The following SH3KBP1 variants were observed in gnomAD, a reference collection of about 807,000 sequenced individuals.
SH3KBP1 encodes the protein SH3 domain containing kinase binding protein 1.
Under a neutral mutation model 50.1 loss-of-function variants are expected in SH3KBP1, and 8 were observed. That is an observed-to-expected ratio of 0.16 (90% confidence interval 0.09 to 0.29). SH3KBP1 has a LOEUF of 0.29. Among genes scored for constraint, SH3KBP1 ranks in the 10% least tolerant of loss-of-function variants. The pLI is 1.00. For synonymous variants in SH3KBP1, 227 were observed against 218.6 expected, an observed-to-expected ratio of 1.04 and a Z score of -0.34; for missense variants, 377 against 535.2, an observed-to-expected ratio of 0.70 and a Z score of 2.92.
At chrX:19,572,971 G>C (rs756688608) in intron 12 of SH3KBP1, among the ~76,000 whole-genome samples, 25 of 111,758 alleles carry the variant, frequency 2.2e-4, no homozygotes, top group African/African-American at 7.8e-4. Context: ...TTCCTGGGTA[G>C]TCTGATGGGT....
chrX:19,551,412 G>C (rs895334855), intron 13 of SH3KBP1, among the ~76,000 whole-genome samples: 3 of 110,953 alleles, frequency 2.7e-5, no homozygotes, highest in South Asian at 7.8e-4. Context: ...ACCCTGGCCA[G>C]GGGGAGGGCA....
chrX:19,692,684 T>G (rs2063322356), intron 5 of SH3KBP1, among the ~76,000 whole-genome samples: 1 of 94,698 alleles, frequency 1.1e-5, no homozygotes, highest in Admixed American at 1.2e-4. Flanking sequence ...TATATATATA[T>G]ATATATTTTT....
rs1047279830 is a variant in SH3KBP1 at position 19,776,492 on chromosome X, T to A, written c.163-30051A>T. 4.8e-5 allele frequency among the ~76,000 whole-genome samples: 5 copies of A among 104,600 alleles called. 1 individual carries two copies. Among genetic ancestry groups the A allele is most frequent in the African/African-American group, 1.8e-4 (5 of 28,083 alleles). The allele number at this position is 104,600 out of a possible 115,157, so 90.8% of individuals were successfully genotyped here. ...ATCCCATGGAAAAAATAAAAGAATT[T>A]TTTTTAAAAAAAGAATTCTAAATCT... On this transcript the variant is annotated intron_variant, in intron 2 of 17. Transcript: ENST00000397821.
intron 8 of SH3KBP1, among the ~76,000 whole-genome samples, chrX:19,609,004 C>T (rs6629353): frequency 0.023 from 2,564 of 112,589 alleles, 88 homozygotes; most frequent in African/African-American, 0.078. Context: ...ATTCATCAAA[C>T]ATTTATCAAG....
At chrX:19,779,282 C>G (rs1377217496) in intron 2 of SH3KBP1, among the ~76,000 whole-genome samples, 6 of 95,412 alleles carry the variant, frequency 6.3e-5, no homozygotes, top group Non-Finnish European at 1.0e-4. Flanking sequence ...CTGGGTGAGA[C>G]AGCAAGACCC....
chrX:19,622,054 A>C (rs927549124), intron 8 of SH3KBP1, among the ~76,000 whole-genome samples: 2 of 112,756 alleles, frequency 1.8e-5, no homozygotes, highest in African/African-American at 6.4e-5. Context: ...ATTTTACTGC[A>C]CTATACAGTT....
intron 2 of SH3KBP1, 42 bp from the exon 3 acceptor site, chrX:19,746,483 A>G: frequency 8.8e-7 from 1 of 1,142,816 alleles, no homozygotes; most frequent in Non-Finnish European, 1.2e-6. Context: ...ATAGTTTGAA[A>G]CTTTAGAATG....
At chrX:19,583,808 A>G (rs920730620) in intron 12 of SH3KBP1, among the ~76,000 whole-genome samples, 3 of 104,096 alleles carry the variant, frequency 2.9e-5, no homozygotes, top group African/African-American at 1.0e-4. Flanking sequence ...TTATTTATGT[A>G]TACTTATAAC....
intron 7 of SH3KBP1, among the ~76,000 whole-genome samples, chrX:19,632,411 G>T (rs1023093423): frequency 8.9e-6 from 1 of 112,398 alleles, no homozygotes; most frequent in Admixed American, 9.4e-5. Flanking sequence ...AGCTACCCAG[G>T]ATACATAAAA....
At chrX:19,869,691 G>A (rs918554283) in intron 1 of SH3KBP1, among the ~76,000 whole-genome samples, 1 of 112,545 alleles carries the variant, frequency 8.9e-6, no homozygotes. Context: ...ACAGGGAGTA[G>A]CAGAGATGTT....
chrX:19,541,782 G>A (rs2064911063), intron 16 of SH3KBP1, 143 bp downstream of exon 16: 4 of 635,955 alleles, frequency 6.3e-6, no homozygotes, highest in Admixed American at 3.1e-5. Flanking sequence ...GGGTCTACAC[G>A]CACTCCCACC....
chrX:19,857,219 G>T (rs768850792), intron 1 of SH3KBP1, among the ~76,000 whole-genome samples: 1 of 109,432 alleles, frequency 9.1e-6, no homozygotes, highest in Non-Finnish European at 1.9e-5. Context: ...TGCATTATCC[G>T]CAAGTCTGGG....
intron 6 of SH3KBP1, among the ~76,000 whole-genome samples, chrX:19,657,498 G>A (rs181395522): frequency 3.6e-5 from 4 of 110,599 alleles, no homozygotes; most frequent in African/African-American, 1.3e-4. Context: ...GGGAGGCCGA[G>A]GTGGGTGGAT....
chrX:19,770,618 A>G (rs2065761784), intron 2 of SH3KBP1, among the ~76,000 whole-genome samples: 1 of 111,317 alleles, frequency 9.0e-6, no homozygotes, highest in South Asian at 3.8e-4. Flanking sequence ...GAATTGCCAC[A>G]CTGCTTTCCA....
Position 19,602,708 on chromosome X carries a change from G to T in SH3KBP1, c.1005+5230C>A, listed in dbSNP as rs756894286. ...TTATAGATGCCACGTTTTCAAACAAGATGTCTTTTAAGATGATTCTAAATA... is the reference window on the plus strand; with the variant it reads ...TTATAGATGCCACGTTTTCAAACAATATGTCTTTTAAGATGATTCTAAATA... On this transcript the variant is annotated intron_variant, in intron 9 of 17. Coordinates refer to ENST00000397821, the MANE Select transcript of SH3KBP1 (RefSeq NM_031892.3). Among the ~76,000 whole-genome samples, 3 of 112,215 alleles carry T rather than the reference G, an allele frequency of 2.7e-5. No homozygotes were observed. In the East Asian group the frequency reaches 8.3e-4, roughly 31 times the overall value.
chrX:19,736,458 C>G lies in SH3KBP1; in HGVS notation c.286+9860G>C, dbSNP rs1451720323. 2.7e-5 allele frequency among the ~76,000 whole-genome samples: 3 copies of G among 112,339 alleles called. No individual in the cohort carries two copies. In the East Asian group the frequency reaches 8.3e-4, roughly 31 times the overall value. ...TCCCTGCAATAAGGTCCTGCTGCCACTGAACCTATTCAGGTCTCCAGAGAA... is the reference window on the plus strand; with the variant it reads ...TCCCTGCAATAAGGTCCTGCTGCCAGTGAACCTATTCAGGTCTCCAGAGAA... On this transcript the variant is annotated intron_variant, in intron 3 of 17. Coordinates refer to ENST00000397821, the MANE Select transcript of SH3KBP1 (RefSeq NM_031892.3).
chrX:19,625,445 G>A (rs746494217), intron 8 of SH3KBP1, among the ~76,000 whole-genome samples: 2 of 110,614 alleles, frequency 1.8e-5, no homozygotes, highest in Non-Finnish European at 3.8e-5. Flanking sequence ...AAAGCAGTTG[G>A]GGAGGCAGGC....
At chrX:19,554,795 A>C (rs2065440766) in intron 13 of SH3KBP1, among the ~76,000 whole-genome samples, 1 of 112,719 alleles carries the variant, frequency 8.9e-6, no homozygotes, top group South Asian at 3.6e-4. Flanking sequence ...GCCATACAGA[A>C]AAAAAATGTA....
intron 2 of SH3KBP1, among the ~76,000 whole-genome samples, chrX:19,749,903 C>T (rs986812571): frequency 8.9e-6 from 1 of 111,882 alleles, no homozygotes; most frequent in East Asian, 2.8e-4. Context: ...TGCCAAACCC[C>T]GCTCTAAGAG....
Sources: allele counts gnomAD v4.1 joint callset (sites outside exome capture counted in the v4.1 genomes callset), GRCh38; gene constraint gnomAD v4.1.1; transcripts MANE v1.5; gene names NCBI Gene and HGNC (gene_info 2026-07-23, HGNC 2026-07-21).